FPR3: variants seen among roughly 807,000 people sequenced by gnomAD.
FPR3 encodes formyl peptide receptor 3.
For synonymous variants in FPR3, 135 were observed against 163.6 expected (o/e 0.83, Z 1.34); for missense variants, 346 against 443.2 (o/e 0.78, Z 1.97).
chr19:51,811,590 C>T (rs1212314938), intron 1 of FPR3: 2 of 152,312 alleles, frequency 1.3e-5, no homozygotes, highest in Non-Finnish European at 2.9e-5. Flanking sequence ...TTCAGACTGT[C>T]GCCTGTTTGA....
chr19:51,815,053 G>A (rs959057410), intron 1 of FPR3, among the ~76,000 whole-genome samples: 1 of 151,984 alleles, frequency 6.6e-6, no homozygotes, highest in Non-Finnish European at 1.5e-5. Context: ...CAAATGATCC[G>A]CCCACCTCGG....
chr19:51,811,091 T>C (rs942626905), intron 1 of FPR3, among the ~76,000 whole-genome samples: 20 of 149,056 alleles, frequency 1.3e-4, no homozygotes, highest in Non-Finnish European at 2.7e-4. Flanking sequence ...GATTTTTAGA[T>C]TCAGCCTGTT....
chr19:51,823,277 G>T (rs147073016), intron 1 of FPR3, among the ~76,000 whole-genome samples: 1 of 152,092 alleles, frequency 6.6e-6, no homozygotes, highest in East Asian at 1.9e-4. Flanking sequence ...ATAGGTCAAG[G>T]GTCCTCACAG....
At chr19:51,802,649 T>G (rs2084032048) in intron 1 of FPR3, among the ~76,000 whole-genome samples, 1 of 152,122 alleles carries the variant, frequency 6.6e-6, no homozygotes, top group South Asian at 2.1e-4. Flanking sequence ...TGAGATAGTA[T>G]ATATTAAAGG....
At chr19:51,799,612 C>T (rs1223427696) in intron 1 of FPR3, among the ~76,000 whole-genome samples, 1 of 152,220 alleles carries the variant, frequency 6.6e-6, no homozygotes, top group Admixed American at 6.5e-5. Flanking sequence ...CTTCGTGCAG[C>T]TTAGTACTGC....
At chr19:51,823,692 T>C in intron 1 of FPR3, 47 bp from the exon 2 acceptor site, 2 of 1,395,668 alleles carry the variant, frequency 1.4e-6, no homozygotes, top group Non-Finnish European at 9.8e-7. Flanking sequence ...AGTTGTATTG[T>C]AAGATGGTGT....
chr19:51,806,382 A>C (rs7248607), intron 1 of FPR3, among the ~76,000 whole-genome samples: 1 of 152,088 alleles, frequency 6.6e-6, no homozygotes. Flanking sequence ...GGGGATTTCC[A>C]TAACACTTTC....
chr19:51,822,989 A>G (rs2084201778), intron 1 of FPR3, among the ~76,000 whole-genome samples: 1 of 151,988 alleles, frequency 6.6e-6, no homozygotes, highest in African/African-American at 2.4e-5. Flanking sequence ...CAGCCTCCTA[A>G]GTAGCTGGAG....
At chr19:51,813,687 C>T (rs1464644426) in intron 1 of FPR3, among the ~76,000 whole-genome samples, 13 of 152,078 alleles carry the variant, frequency 8.5e-5, no homozygotes, top group Admixed American at 7.2e-4. Flanking sequence ...CCTGCCACCA[C>T]GCCCAGCTAA....
intron 1 of FPR3, among the ~76,000 whole-genome samples, chr19:51,807,220 G>C (rs904585595): frequency 6.6e-6 from 1 of 152,182 alleles, no homozygotes; most frequent in African/African-American, 2.4e-5. Context: ...AGGAAGTGGG[G>C]GGGGTGGTTG....
At chr19:51,809,440 T>C (rs2084082777) in intron 1 of FPR3, among the ~76,000 whole-genome samples, 2 of 152,210 alleles carry the variant, frequency 1.3e-5, no homozygotes, top group African/African-American at 4.8e-5. Flanking sequence ...GTAGGTCTAT[T>C]AGAGGCTATG....
intron 1 of FPR3, among the ~76,000 whole-genome samples, chr19:51,815,582 T>C (rs1427870643): frequency 1.5e-5 from 2 of 135,710 alleles, no homozygotes; most frequent in Non-Finnish European, 3.2e-5. Flanking sequence ...AAAAAAAAGG[T>C]AGACACCAGG....
chr19:51,799,784 A>T (rs892894122), intron 1 of FPR3, among the ~76,000 whole-genome samples: 1 of 152,202 alleles, frequency 6.6e-6, no homozygotes, highest in Non-Finnish European at 1.5e-5. Context: ...CAGGCCCCTG[A>T]CAGGGGGCCA....
intron 1 of FPR3, among the ~76,000 whole-genome samples, chr19:51,812,179 T>A (rs2084101919): frequency 6.6e-6 from 1 of 152,202 alleles, no homozygotes; most frequent in African/African-American, 2.4e-5. Context: ...ACTTAGAGAT[T>A]GGCTTGATAA....
rs1343923219 is a variant in FPR3 at position 51,815,865 on chromosome 19, AAAAAAAG to A, written c.-10-7854_-10-7848del. ...TGATAGAATGAGACCCTGTCTCAAA[AAAAAAAG>A]AAAAAAGAAAAAAGAAAAAGAAGAA... On this transcript the variant is annotated intron_variant, in intron 1 of 1. Coordinates refer to ENST00000339223, the MANE Select transcript of FPR3 (RefSeq NM_002030.5). Among the ~76,000 whole-genome samples the A allele has an allele frequency of 6.9e-4, 104 of 150,824 alleles. 1 individual carries two copies. Among genetic ancestry groups the A allele is most frequent in the Admixed American group, 4.4e-3 (67 of 15,194 alleles).
At chr19:51,799,606 G>A (rs1289047326) in intron 1 of FPR3, among the ~76,000 whole-genome samples, 7 of 152,178 alleles carry the variant, frequency 4.6e-5, no homozygotes, top group African/African-American at 9.7e-5. Context: ...TTGCTGCTTC[G>A]TGCAGCTTAG....
chr19:51,807,112 T>C (rs114145425), intron 1 of FPR3, among the ~76,000 whole-genome samples: 1,767 of 151,224 alleles, frequency 0.012, 29 homozygotes, highest in African/African-American at 0.04. Flanking sequence ...GATAAAAGAG[T>C]ATATTTGGAA....
chr19:51,799,187 G>A (rs1384236899), intron 1 of FPR3, among the ~76,000 whole-genome samples: 4 of 152,114 alleles, frequency 2.6e-5, no homozygotes, highest in African/African-American at 9.7e-5. Context: ...CTCTCTTTCT[G>A]CCTGTCCTCT....
Position 51,825,067 on chromosome 19 carries a change from G to A in FPR3, c.*257G>A, listed in dbSNP as rs2084222829. The A allele has an allele frequency of 2.6e-6, 1 of 388,132 alleles. No individual in the cohort carries two copies. The allele number at this position is 388,132 out of a possible 1,614,324, so 24.0% of individuals were successfully genotyped here. ...ACAGGTTTAAGGGCTCATTCCCCAAGTCTGCTCCTCCAGTTGAGACACAAG... is the reference window on the plus strand; with the variant it reads ...ACAGGTTTAAGGGCTCATTCCCCAAATCTGCTCCTCCAGTTGAGACACAAG... On this transcript the variant is annotated 3_prime_UTR_variant, in exon 2 of 2. Transcript: ENST00000339223.
Sources: gnomAD v4.1 joint callset for allele counts (sites outside exome capture counted in the v4.1 genomes callset) on GRCh38, gnomAD v4.1.1 for gene constraint, MANE v1.5 for transcripts, NCBI Gene and HGNC (gene_info 2026-07-23, HGNC 2026-07-21) for gene names.